RERE: variants seen among roughly 807,000 people sequenced by gnomAD.
RERE encodes arginine-glutamic acid dipeptide repeats protein.
Under a neutral mutation model 146.1 loss-of-function variants are expected in RERE, and 40 were observed. The observed-to-expected ratio is 0.27, with a 90% confidence interval of 0.21 to 0.36. RERE has a LOEUF of 0.36. Among genes scored for constraint, RERE ranks in the 10% least tolerant of loss-of-function variants. RERE has a pLI of 1.00. For missense variants in RERE, 1,933 were observed against 2,138.7 expected (o/e 0.90, Z 1.90); for synonymous variants, 1,003 against 866.0 (o/e 1.16, Z -2.78).
At chr1:8,569,285 T>C (rs545516461) in intron 4 of RERE, among the ~76,000 whole-genome samples, 1 of 149,518 alleles carries the variant, frequency 6.7e-6, no homozygotes, top group Non-Finnish European at 1.5e-5. Flanking sequence ...AGTACAAATA[T>C]CACAAAATTT....
intron 1 of RERE, among the ~76,000 whole-genome samples, chr1:8,740,543 T>A (rs1054810014): frequency 6.6e-6 from 1 of 152,234 alleles, no homozygotes; most frequent in Non-Finnish European, 1.5e-5. Flanking sequence ...TATAAACCAT[T>A]TTTAAAACTT....
At chr1:8,648,898 AAATT>A (rs1224021227) in intron 2 of RERE, among the ~76,000 whole-genome samples, 3 of 152,192 alleles carry the variant, frequency 2.0e-5, no homozygotes, top group East Asian at 1.9e-4. Flanking sequence ...AAATGTTAAA[AAATT>A]AATACATACT....
intron 3 of RERE, among the ~76,000 whole-genome samples, chr1:8,617,266 C>G (rs961967111): frequency 2.0e-4 from 29 of 143,096 alleles, no homozygotes; most frequent in African/African-American, 7.5e-4. Context: ...ATCGCTTGAA[C>G]CCAGAGGCGG....
rs532389454 is a variant in RERE at position 8,708,192 on chromosome 1, C to G, written c.-144-51751G>C. ...TCTCATCTTGTAGCTCCCATAATTC[C>G]CACATGTTGTGGGAAGGACCCGGTT... is the stretch of plus-strand genomic sequence containing the variant. On this transcript the variant is annotated intron_variant, in intron 1 of 22. Coordinates refer to ENST00000400908, the MANE Select transcript of RERE (RefSeq NM_001042681.2). Among the ~76,000 whole-genome samples the G allele has an allele frequency of 1.7e-4, 26 of 152,278 alleles. No homozygotes were observed. The South Asian group carries it at 1.9e-3, about 11-fold the overall frequency.
In RERE at chr1:8,603,938, C is replaced by CAAAAAAA. The variant is rs61119278; in HGVS notation, c.522+10616_522+10622dup. On this transcript the variant is annotated intron_variant, in intron 4 of 22. Transcript: ENST00000400908. ...TGGGTGACAAAGCGAGACCCTGTCT[C>CAAAAAAA]AAAAAAAAAAAAAGAAAAGAAAAAA... 1.4e-3 allele frequency among the ~76,000 whole-genome samples: 175 copies of CAAAAAAA among 124,864 alleles called. 3 individuals are homozygous for CAAAAAAA. The highest frequency in any genetic ancestry group is 4.1e-3 in the Middle Eastern group (1 of 242). The allele number at this position is 124,864 out of a possible 152,430, so 81.9% of individuals were successfully genotyped here.
intron 4 of RERE, among the ~76,000 whole-genome samples, chr1:8,583,945 C>A (rs780349822): frequency 9.2e-5 from 14 of 151,730 alleles, no homozygotes; most frequent in South Asian, 6.2e-4. Flanking sequence ...AATAACACCC[C>A]TACAGACAAG....
rs930693318 is a variant in RERE at position 8,359,647 on chromosome 1, T to A, written c.3618+117A>T. 15 of 1,155,694 alleles carry A rather than the reference T, an allele frequency of 1.3e-5. No homozygotes were observed. In the African/African-American group the frequency reaches 1.8e-4, roughly 14 times the overall value. The allele number at this position is 1,155,694 out of a possible 1,614,324, so 71.6% of individuals were successfully genotyped here. A position where few individuals can be genotyped will look rare whatever the true frequency, so the allele number is the denominator to read the frequency against. On this transcript the variant is annotated intron_variant, in intron 19 of 22. Transcript: ENST00000400908. ...ACAGGGTGTAAATAGCACCCAACCCTCTAGCTGCCAGGAGGCCGAGTCAGG... is the reference window on the plus strand; with the variant it reads ...ACAGGGTGTAAATAGCACCCAACCCACTAGCTGCCAGGAGGCCGAGTCAGG...
chr1:8,738,610 G>A (rs1162650201), intron 1 of RERE, among the ~76,000 whole-genome samples: 2 of 152,020 alleles, frequency 1.3e-5, no homozygotes, highest in African/African-American at 2.4e-5. Flanking sequence ...CCACCACATT[G>A]CCCAGCAGAC....
rs543707766 is a variant in RERE at position 8,375,431 on chromosome 1, G to A, written c.1285-9457C>T. Among the ~76,000 whole-genome samples the A allele has an allele frequency of 6.6e-5, 10 of 152,218 alleles. No individual in the cohort carries two copies. In the East Asian group the frequency reaches 1.3e-3, roughly 20 times the overall value. The stretch of plus-strand genomic sequence containing the variant: ...TTATTTCTTATGGGCCAGTGAAAAC[G>A]CAATCCACATGCCGATGTTTGGAAG... On this transcript the variant is annotated intron_variant, in intron 12 of 22. Coordinates refer to ENST00000400908, the MANE Select transcript of RERE (RefSeq NM_001042681.2).
chr1:8,576,784 C>T (rs1196321505), intron 4 of RERE, among the ~76,000 whole-genome samples: 2 of 152,214 alleles, frequency 1.3e-5, no homozygotes, highest in African/African-American at 2.4e-5. Context: ...TAAGCTGGCA[C>T]AATTGTGTTA....
intron 12 of RERE, among the ~76,000 whole-genome samples, chr1:8,418,347 GAAA>G (rs1204729967): frequency 6.6e-6 from 1 of 152,204 alleles, no homozygotes; most frequent in Non-Finnish European, 1.5e-5. Context: ...AAAGAGACGA[GAAA>G]GACAGCCAAA....
chr1:8,701,330 ACTCC>A (rs1319094955), intron 1 of RERE, among the ~76,000 whole-genome samples: 5 of 126,224 alleles, frequency 4.0e-5, no homozygotes, highest in Non-Finnish European at 6.7e-5. Flanking sequence ...ACACGCACAC[ACTCC>A]CTCCCTCCCT....
At chr1:8,373,933 CCTT>C (rs1392183539) in intron 12 of RERE, among the ~76,000 whole-genome samples, 2 of 152,216 alleles carry the variant, frequency 1.3e-5, no homozygotes, top group Non-Finnish European at 2.9e-5. Flanking sequence ...CTCCTGGGCT[CCTT>C]CTTTTGTTAA....
chr1:8,765,316 T>C (rs1569745361), intron 1 of RERE, among the ~76,000 whole-genome samples: 1 of 152,134 alleles, frequency 6.6e-6, no homozygotes, highest in South Asian at 2.1e-4. Context: ...AGAAAGAAGA[T>C]TAAGGGCTGC....
chr1:8,561,852 C>T (rs1451699554), intron 4 of RERE, among the ~76,000 whole-genome samples: 1 of 152,196 alleles, frequency 6.6e-6, no homozygotes, highest in Non-Finnish European at 1.5e-5. Flanking sequence ...CTACTACTCA[C>T]TAGTTGAAGA....
At chr1:8,787,220 T>C (rs1220000548) in intron 1 of RERE, among the ~76,000 whole-genome samples, 1 of 152,200 alleles carries the variant, frequency 6.6e-6, no homozygotes, top group African/African-American at 2.4e-5. Context: ...TGATGTTCCC[T>C]CTGCCTGGAA....
intron 1 of RERE, among the ~76,000 whole-genome samples, chr1:8,778,832 G>T (rs1415395805): frequency 1.3e-5 from 2 of 151,586 alleles, no homozygotes; most frequent in African/African-American, 2.4e-5. Flanking sequence ...AAAAGAAAAA[G>T]AAAATACAGT....
intron 12 of RERE, among the ~76,000 whole-genome samples, chr1:8,392,354 A>T (rs74049628): frequency 0.029 from 4,345 of 152,260 alleles, 225 homozygotes; most frequent in African/African-American, 0.099. Flanking sequence ...ATCCTTTTTT[A>T]AAAAAATCCT....
chr1:8,713,462 AG>A (rs1639706222), intron 1 of RERE, among the ~76,000 whole-genome samples: 1 of 152,214 alleles, frequency 6.6e-6, no homozygotes, highest in Non-Finnish European at 1.5e-5. Context: ...GGCCAGGCAC[AG>A]TGGCTCACAT....
Sources: gnomAD v4.1 joint callset for allele counts (sites outside exome capture counted in the v4.1 genomes callset) on GRCh38, gnomAD v4.1.1 for gene constraint, MANE v1.5 for transcripts, NCBI Gene and HGNC (gene_info 2026-07-23, HGNC 2026-07-21) for gene names.